The following RYR3 variants were observed in gnomAD, a reference collection of about 807,000 sequenced individuals.
The protein encoded by RYR3 is brain ryanodine receptor-calcium release channel.
In RYR3, 207 loss-of-function variants were observed where a neutral mutation model predicts 584.3. That is an observed-to-expected ratio of 0.35 (90% CI 0.32 to 0.40). The LOEUF is 0.40. Ranked by LOEUF, RYR3 falls within the 10% of genes least tolerant of loss-of-function variation. RYR3 has a pLI of 1.00. For missense variants in RYR3, 5,616 were observed against 6,089.2 expected (o/e 0.92, Z 2.59); for synonymous variants, 2,416 against 2,248.5 (o/e 1.07, Z -2.11).
intron 1 of RYR3, among the ~76,000 whole-genome samples, chr15:33,387,964 AT>A (rs1293016004): frequency 6.6e-6 from 1 of 151,312 alleles, no homozygotes; most frequent in Admixed American, 6.6e-5. Context: ...TATAAAAAAA[AT>A]TTTAATTTCA....
At chr15:33,680,976 A>G (rs12907278) in intron 38 of RYR3, among the ~76,000 whole-genome samples, 63,502 of 152,102 alleles carry the variant, frequency 0.42, 15,439 homozygotes, top group East Asian at 0.64. Flanking sequence ...TGTAATCTAC[A>G]TACGTTACCT....
intron 49 of RYR3, among the ~76,000 whole-genome samples, chr15:33,737,489 C>T (rs72713286): frequency 0.021 from 3,175 of 152,270 alleles, 57 homozygotes; most frequent in Middle Eastern, 0.058. Context: ...ACAGCACTTT[C>T]CTTTATAGTC....
rs778247983 is a variant in RYR3 at position 33,535,231 on chromosome 15, T to G, written c.433+1842T>G. Among the ~76,000 whole-genome samples the G allele has an allele frequency of 7.9e-5, 12 of 152,330 alleles. No homozygotes were observed. In the South Asian group the frequency reaches 2.3e-3, roughly 29 times the overall value. On this transcript the variant is annotated intron_variant, in intron 5 of 103. Coordinates refer to ENST00000634891, the MANE Select transcript of RYR3 (RefSeq NM_001036.6). ...CAGTTCATAATGGAAGGATCCAGGT[T>G]GCCTAATTTTATAGATCTAGAAAAA...
chr15:33,572,688 C>CACACACACACACACACACAT (rs368204203), intron 12 of RYR3, among the ~76,000 whole-genome samples: 11 of 131,464 alleles, frequency 8.4e-5, no homozygotes, highest in African/African-American at 1.9e-4. Flanking sequence ...CACACACACA[C>CACACACACACACACACACAT]ACTGGGCTGG....
At chr15:33,613,404 G>A (rs1191934019) in intron 19 of RYR3, 29 bp downstream of exon 19, 3 of 1,563,248 alleles carry the variant, frequency 1.9e-6, no homozygotes, top group Non-Finnish European at 2.6e-6. Context: ...TTCATGGAGA[G>A]TAGCAGTTAC....
At chr15:33,670,390 G>A (rs772358016) in intron 37 of RYR3, 29 bp from the exon 38 acceptor site, 2 of 1,611,200 alleles carry the variant, frequency 1.2e-6, no homozygotes, top group Non-Finnish European at 1.7e-6. Flanking sequence ...CACTGCTTTG[G>A]ATTTTCACCC....
At chr15:33,517,154 C>T (rs2140928316) in intron 3 of RYR3, among the ~76,000 whole-genome samples, 1 of 152,288 alleles carries the variant, frequency 6.6e-6, no homozygotes, top group Middle Eastern at 3.4e-3. Context: ...GCCACCACAT[C>T]CAGCTAATTT....
intron 52 of RYR3, among the ~76,000 whole-genome samples, chr15:33,744,290 A>G (rs1430066852): frequency 6.6e-6 from 1 of 151,822 alleles, no homozygotes; most frequent in Non-Finnish European, 1.5e-5. Flanking sequence ...TTGTATTTAT[A>G]ACAGTTAAAC....
chr15:33,376,542 A>G (rs1164268216), intron 1 of RYR3, among the ~76,000 whole-genome samples: 1 of 152,190 alleles, frequency 6.6e-6, no homozygotes, highest in Non-Finnish European at 1.5e-5. Context: ...TAGTCATTGG[A>G]TGAGGGCTAC....
chr15:33,337,988 A>T (rs1271758980), intron 1 of RYR3, among the ~76,000 whole-genome samples: 2 of 126,492 alleles, frequency 1.6e-5, no homozygotes, highest in Non-Finnish European at 3.1e-5. Context: ...TCTGTCGCCC[A>T]GGCTAGAGTG....
intron 1 of RYR3, among the ~76,000 whole-genome samples, chr15:33,453,164 A>T (rs150432081): frequency 2.2e-4 from 33 of 152,302 alleles, no homozygotes; most frequent in African/African-American, 7.7e-4. Context: ...ATAAACTAAG[A>T]CCTTTATTAA....
At chr15:33,810,217 G>A (rs184547684) in intron 70 of RYR3, among the ~76,000 whole-genome samples, 79 of 152,346 alleles carry the variant, frequency 5.2e-4, no homozygotes, top group African/African-American at 1.8e-3. Context: ...GGAACTGAGT[G>A]AGCAATAGGC....
intron 38 of RYR3, among the ~76,000 whole-genome samples, chr15:33,686,305 G>C (rs550466513): frequency 6.6e-6 from 1 of 152,126 alleles, no homozygotes; most frequent in Non-Finnish European, 1.5e-5. Flanking sequence ...ACACTTCTAC[G>C]CAAATAAACT....
intron 7 of RYR3, among the ~76,000 whole-genome samples, chr15:33,542,503 A>G (rs989445712): frequency 6.6e-6 from 1 of 152,156 alleles, no homozygotes; most frequent in African/African-American, 2.4e-5. Flanking sequence ...TTAGCAGTAC[A>G]AAAAGATACA....
At chr15:33,729,220 T>A (rs898180411) in intron 47 of RYR3, among the ~76,000 whole-genome samples, 194 bp downstream of exon 47, 1 of 152,172 alleles carries the variant, frequency 6.6e-6, no homozygotes, top group Non-Finnish European at 1.5e-5. Context: ...TAGGTCAATT[T>A]GACCCCAAAT....
chr15:33,722,704 G>C lies in RYR3; in HGVS notation c.6620-11G>C, dbSNP rs1298037466. 2 of 1,608,322 alleles carry C rather than the reference G, an allele frequency of 1.2e-6. No homozygotes were observed. The highest frequency in any genetic ancestry group is 1.7e-6 in the Non-Finnish European group (2 of 1,176,128). The stretch of plus-strand genomic sequence containing the variant: ...TTTCATTGAGAAGGAAACAGTGCCT[G>C]TCTTCCTCAGGTGAGAGTGTGGAAG... On this transcript the variant is annotated splice_polypyrimidine_tract_variant and intron_variant, in intron 43 of 103. Transcript: ENST00000634891.
chr15:33,332,391 AAC>A (rs1970467097), intron 1 of RYR3, among the ~76,000 whole-genome samples: 2 of 152,104 alleles, frequency 1.3e-5, no homozygotes, highest in Admixed American at 6.5e-5. Flanking sequence ...GGGAAATGTT[AAC>A]ACTTATCTCA....
chr15:33,501,548 A>C lies in RYR3; in HGVS notation c.172-2083A>C, dbSNP rs557337640. Among the ~76,000 whole-genome samples the C allele has an allele frequency of 9.2e-5, 14 of 152,310 alleles. No individual in the cohort carries two copies. In the South Asian group the frequency reaches 2.9e-3, roughly 32 times the overall value. On this transcript the variant is annotated intron_variant, in intron 2 of 103. Transcript: ENST00000634891. ...GACATTCTTCAATGGGAAATCTCCA[A>C]ATCATTCATTCTGATGAATTGGAAG... is the stretch of plus-strand genomic sequence containing the variant.
intron 86 of RYR3, among the ~76,000 whole-genome samples, chr15:33,833,079 A>C (rs538526586): frequency 1.3e-5 from 2 of 151,792 alleles, no homozygotes; most frequent in East Asian, 3.9e-4. Context: ...GATGAAGAGG[A>C]GGAAGTACAT....
Sources: allele counts gnomAD v4.1 joint callset (sites outside exome capture counted in the v4.1 genomes callset), GRCh38; gene constraint gnomAD v4.1.1; transcripts MANE v1.5; gene names NCBI Gene and HGNC (gene_info 2026-07-23, HGNC 2026-07-21).